IL9R: variants seen among roughly 807,000 people sequenced by gnomAD.
IL9R encodes interleukin-9 receptor.
A neutral mutation model predicts 56.3 loss-of-function variants in IL9R; 54 were observed. The ratio of observed to expected loss-of-function variants is 0.96; its 90% CI spans 0.77 to 1.20. IL9R has a LOEUF of 1.20. Ranked by LOEUF, IL9R falls within the 50% of genes most tolerant of loss-of-function variation. The probability of loss-of-function intolerance (pLI) is 0.00; values close to 1 mark genes in which losing one functional copy is unlikely to be tolerated. For missense variants in IL9R, 545 were observed against 629.8 expected (o/e 0.87, Z 1.44); for synonymous variants, 212 against 250.2 (o/e 0.85, Z 1.44).
chrX:156,002,661 G>A lies in IL9R; in HGVS notation c.29-245G>A, dbSNP rs768198591. On this transcript the variant is annotated intron_variant, in intron 1 of 8. Coordinates refer to ENST00000244174, the MANE Select transcript of IL9R (RefSeq NM_002186.3). ...CAGAGGCCAGGATCTAAGTTTGAGG[G>A]TGTTCCTTACACCCTGCAGCCATGA... Among the ~76,000 whole-genome samples the A allele has an allele frequency of 4.1e-4, 63 of 152,260 alleles. 1 individual carries two copies. In the Middle Eastern group the frequency reaches 0.021, roughly 50 times the overall value.
At position 156,000,145 on chromosome X, in the gene IL9R, A is replaced by ATATAT. The variant is rs1556394100; in HGVS notation, c.28+2358_28+2359insTATAT. ...AGCGAGACTCCGTCTAAAAAAAAAA[A>ATATAT]ATATATATATATATACACACATATA... On this transcript the variant is annotated intron_variant, in intron 1 of 8. Coordinates refer to ENST00000244174, the MANE Select transcript of IL9R (RefSeq NM_002186.3). 8.2e-3 allele frequency among the ~76,000 whole-genome samples: 1,185 copies of ATATAT among 144,250 alleles called. 19 individuals carry two copies. Among genetic ancestry groups the ATATAT allele is most frequent in the African/African-American group, 0.029 (1,105 of 37,748 alleles). 94.6% of individuals were successfully genotyped at this position (144,250 alleles called of 152,430 possible).
intron 4 of IL9R, chrX:156,004,146 A>T (rs2067744268): frequency 1.7e-6 from 1 of 599,868 alleles, no homozygotes; most frequent in Non-Finnish European, 3.0e-6. Context: ...GAAGGACTCC[A>T]ATAAGATGCT....
At chrX:156,004,630 C>G in intron 5 of IL9R, 65 bp downstream of exon 5, 1 of 1,513,856 alleles carries the variant, frequency 6.6e-7, no homozygotes, top group Non-Finnish European at 9.2e-7. Context: ...GGGTAGACTC[C>G]CCACTCTACA....
chrX:156,007,360 G>A (rs1173048941), intron 7 of IL9R, among the ~76,000 whole-genome samples, 163 bp from the exon 8 acceptor site: 5 of 151,038 alleles, frequency 3.3e-5, no homozygotes, highest in Admixed American at 6.6e-5. Context: ...GGCCCAGTTG[G>A]GTCCTGCCCT....
chrX:155,999,112 G>A (rs1400497192), intron 1 of IL9R, among the ~76,000 whole-genome samples: 1 of 152,046 alleles, frequency 6.6e-6, no homozygotes, highest in South Asian at 2.1e-4. Context: ...TAGGGGACTG[G>A]GGAAAGGCCT....
intron 1 of IL9R, among the ~76,000 whole-genome samples, chrX:155,998,397 C>T (rs1234781005): frequency 1.3e-5 from 2 of 151,938 alleles, no homozygotes; most frequent in Non-Finnish European, 2.9e-5. Context: ...CTCTCAGTTT[C>T]CTGGGGTCTG....
chrX:156,002,756 G>C, intron 1 of IL9R, 150 bp from the exon 2 acceptor site: 1 of 1,113,426 alleles, frequency 9.0e-7, no homozygotes, highest in Non-Finnish European at 1.3e-6. Flanking sequence ...AGTGGTCCAG[G>C]ACGCTGGACA....
intron 2 of IL9R, 123 bp downstream of exon 2, chrX:156,003,142 C>T: frequency 1.7e-6 from 2 of 1,202,594 alleles, no homozygotes; most frequent in African/African-American, 1.5e-5. Context: ...TGGGGCATGT[C>T]CTCTAGGGGT....
intron 1 of IL9R, among the ~76,000 whole-genome samples, chrX:156,002,541 G>A (rs1162299690): frequency 2.0e-5 from 3 of 152,214 alleles, no homozygotes; most frequent in Non-Finnish European, 2.9e-5. Flanking sequence ...CTCCCCTGCA[G>A]GATGGGGCCT....
chrX:156,003,975 C>G (rs1179957717), intron 4 of IL9R, 120 bp downstream of exon 4: 7 of 1,055,664 alleles, frequency 6.6e-6, no homozygotes, highest in Non-Finnish European at 8.4e-6. Flanking sequence ...CAGTCCCAGC[C>G]GAGTGAGATC....
chrX:156,005,175 T>C, intron 5 of IL9R, 103 bp from the exon 6 acceptor site: 1 of 867,340 alleles, frequency 1.2e-6, no homozygotes, highest in South Asian at 1.5e-5. Flanking sequence ...CACAAGTGTG[T>C]TCAAGAGTGT....
intron 1 of IL9R, chrX:156,001,343 C>G: frequency 9.1e-7 from 1 of 1,103,032 alleles, no homozygotes; most frequent in Non-Finnish European, 1.4e-6. Flanking sequence ...CTGGTGGTGA[C>G]TCCAACCCTG....
chrX:156,003,891 T>C, intron 4 of IL9R, 36 bp downstream of exon 4: 1 of 1,608,902 alleles, frequency 6.2e-7, no homozygotes, highest in Non-Finnish European at 8.5e-7. Context: ...CGGGGCCGCT[T>C]GGCAAGAACA....
intron 8 of IL9R, among the ~76,000 whole-genome samples, chrX:156,008,755 C>G (rs969514816): frequency 2.0e-5 from 3 of 152,232 alleles, no homozygotes; most frequent in African/African-American, 7.2e-5. Flanking sequence ...ACCAAGGGAA[C>G]AGCTTCCTTT....
intron 8 of IL9R, chrX:156,007,821 T>G: frequency 1.7e-6 from 1 of 602,070 alleles, no homozygotes; most frequent in Non-Finnish European, 2.8e-6. Flanking sequence ...TTCTTTTTGT[T>G]CTCAGGTCTC....
chrX:156,005,312 C>T lies in IL9R; in HGVS notation c.614C>T (p.Thr205Ile), dbSNP rs1311277243. 2 of 1,612,122 alleles carry T rather than the reference C, an allele frequency of 1.2e-6. No individual in the cohort carries two copies. Residue 205 changes from threonine (T) to isoleucine (I), a missense_variant, in exon 6 of 9, where the codon ACC (threonine) becomes ATC (isoleucine). Around this residue, in one of 2 missense-constraint regions of IL9R, gnomAD observed 431 missense variants for 360.0 expected, o/e 1.20. Coordinates refer to ENST00000244174, the MANE Select transcript of IL9R (RefSeq NM_002186.3). Reference protein sequence around the residue: ...AQHRDHIVGVTWLILEAFELD... With the variant: ...AQHRDHIVGVIWLILEAFELD... ...CACAGGGATCACATTGTCGGGGTGA[C>T]CTGGCTTATACTTGAAGCCTTTGAG...
intron 1 of IL9R, 159 bp from the exon 2 acceptor site, chrX:156,002,747 G>A: frequency 1.0e-6 from 1 of 1,003,786 alleles, no homozygotes; most frequent in Non-Finnish European, 1.5e-6. Context: ...AGCCTGGACA[G>A]TGGTCCAGGA....
At chrX:156,003,878 G>T (rs2067719716) in intron 4 of IL9R, 23 bp downstream of exon 4, 1 of 1,612,544 alleles carries the variant, frequency 6.2e-7, no homozygotes. Context: ...TATAGGTCTG[G>T]GGCGGGGCCG....
chrX:156,009,385 TTGTGTG>T (rs746512161), intron 8 of IL9R, among the ~76,000 whole-genome samples: 5 of 139,562 alleles, frequency 3.6e-5, no homozygotes, highest in Admixed American at 2.8e-4. Context: ...CTGTGTGTGT[TTGTGTG>T]TGTGTGTGTC....
Sources: allele counts gnomAD v4.1 joint callset (sites outside exome capture counted in the v4.1 genomes callset), GRCh38; gene constraint gnomAD v4.1.1; regional missense constraint gnomAD v4.1.1; transcripts MANE v1.5; gene names NCBI Gene and HGNC (gene_info 2026-07-23, HGNC 2026-07-21).